The following CPPED1 variants were observed in gnomAD, a reference collection of about 807,000 sequenced individuals.
CPPED1 encodes the protein calcineurin like phosphoesterase domain containing 1.
Under a neutral mutation model 28.0 loss-of-function variants are expected in CPPED1, and 28 were observed. The ratio of observed to expected loss-of-function variants is 1.00; its 90% CI spans 0.74 to 1.37. CPPED1 has a LOEUF of 1.37. Among genes scored for constraint, CPPED1 ranks in the 40% most tolerant of loss-of-function variants. The pLI, the probability that CPPED1 is intolerant of heterozygous loss-of-function variation, is 0.00. For synonymous variants in CPPED1, 198 were observed against 180.2 expected, an observed-to-expected ratio of 1.10 and a Z score of -0.79; for missense variants, 504 against 416.5, an observed-to-expected ratio of 1.21 and a Z score of -1.83.
At chr16:12,718,053 A>G (rs554022299) in intron 2 of CPPED1, among the ~76,000 whole-genome samples, 43 of 152,312 alleles carry the variant, frequency 2.8e-4, no homozygotes, top group African/African-American at 8.9e-4. Flanking sequence ...GAAAGACTAC[A>G]CTGTCTCCTG....
chr16:12,790,678 T>C (rs544545891), intron 1 of CPPED1, among the ~76,000 whole-genome samples: 4 of 152,220 alleles, frequency 2.6e-5, no homozygotes, highest in East Asian at 1.9e-4. Context: ...CCTAGCACTT[T>C]GGGAGGCCGA....
intron 2 of CPPED1, among the ~76,000 whole-genome samples, chr16:12,735,435 G>A (rs1356103993): frequency 6.6e-6 from 1 of 152,232 alleles, no homozygotes; most frequent in Non-Finnish European, 1.5e-5. Context: ...CTCCTGAGTA[G>A]ATGGGATTAC....
intron 2 of CPPED1, among the ~76,000 whole-genome samples, chr16:12,737,927 A>G (rs1014307985): frequency 1.3e-5 from 2 of 152,198 alleles, no homozygotes; most frequent in African/African-American, 4.8e-5. Flanking sequence ...TTTTTAAAGT[A>G]TAAAAATTGC....
In CPPED1 at chr16:12,705,060, G is replaced by C. The variant is rs2080042643; in HGVS notation, c.290-11C>G. On this transcript the variant is annotated splice_polypyrimidine_tract_variant and intron_variant, in intron 2 of 3. Transcript: ENST00000381774. ...TCCGCCACGGCTTCCCTGGAAGAGTGAGGGTCACGTCCTGAGAAAGCCAGG... is the reference window on the plus strand; with the variant it reads ...TCCGCCACGGCTTCCCTGGAAGAGTCAGGGTCACGTCCTGAGAAAGCCAGG... 2 of 1,600,380 alleles carry C rather than the reference G, an allele frequency of 1.2e-6. No individual in the cohort carries two copies. The highest frequency in any genetic ancestry group is 1.7e-6 in the Non-Finnish European group (2 of 1,170,948).
intron 3 of CPPED1, among the ~76,000 whole-genome samples, chr16:12,669,673 T>C (rs954102986): frequency 3.9e-5 from 6 of 152,222 alleles, no homozygotes; most frequent in African/African-American, 1.4e-4. Context: ...ATTCGTTTCC[T>C]TGCTCTGTCA....
chr16:12,762,926 T>A (rs1037912561), intron 2 of CPPED1, among the ~76,000 whole-genome samples: 2 of 151,694 alleles, frequency 1.3e-5, no homozygotes, highest in African/African-American at 4.8e-5. Flanking sequence ...AAAAAAAAAT[T>A]TTTGTAGAAA....
At chr16:12,726,052 T>C (rs1044789507) in intron 2 of CPPED1, among the ~76,000 whole-genome samples, 7 of 152,118 alleles carry the variant, frequency 4.6e-5, no homozygotes, top group African/African-American at 1.7e-4. Flanking sequence ...AAATCATTTT[T>C]TTTTTATGAG....
At chr16:12,747,095 G>A (rs2080294247) in intron 2 of CPPED1, among the ~76,000 whole-genome samples, 1 of 151,668 alleles carries the variant, frequency 6.6e-6, no homozygotes, top group Non-Finnish European at 1.5e-5. Context: ...AGAAGAATGG[G>A]AAATAAATGG....
At position 12,684,193 on chromosome 16, in the gene CPPED1, G is replaced by A. The variant is rs149369285; in HGVS notation, c.716-19078C>T. Among the ~76,000 whole-genome samples the A allele has an allele frequency of 2.0e-3, 309 of 152,206 alleles. 1 individual carries two copies. The highest frequency in any genetic ancestry group is 6.8e-3 in the African/African-American group (284 of 41,536). ...AAGGAACGCAGAGAAAATGCATCCC[G>A]GTAAACTGAGCAGAGCCATCTTTCT... On this transcript the variant is annotated intron_variant, in intron 3 of 3. Coordinates refer to ENST00000381774, the MANE Select transcript of CPPED1 (RefSeq NM_018340.3).
chr16:12,782,554 T>TTG (rs2080538588), intron 1 of CPPED1, among the ~76,000 whole-genome samples: 1 of 151,014 alleles, frequency 6.6e-6, no homozygotes, highest in African/African-American at 2.4e-5. Flanking sequence ...CTGTTTTTTT[T>TTG]TTTTTTTTCA....
chr16:12,735,924 T>C (rs2141208140), intron 2 of CPPED1, among the ~76,000 whole-genome samples: 1 of 152,322 alleles, frequency 6.6e-6, no homozygotes, highest in East Asian at 1.9e-4. Context: ...ATATTTAAAC[T>C]GCCCCTAATG....
chr16:12,795,528 T>C (rs2080622327), intron 1 of CPPED1, among the ~76,000 whole-genome samples: 1 of 152,140 alleles, frequency 6.6e-6, no homozygotes, highest in Admixed American at 6.5e-5. Flanking sequence ...TTAGTACAGA[T>C]GGGGTTTCAC....
chr16:12,717,637 C>CA (rs2141195603), intron 2 of CPPED1, among the ~76,000 whole-genome samples: 1 of 152,092 alleles, frequency 6.6e-6, no homozygotes, highest in Non-Finnish European at 1.5e-5. Context: ...CACACACACA[C>CA]ATAATAATAA....
At chr16:12,681,866 C>G (rs140764792) in intron 3 of CPPED1, among the ~76,000 whole-genome samples, 1 of 152,296 alleles carries the variant, frequency 6.6e-6, no homozygotes, top group East Asian at 1.9e-4. Flanking sequence ...GATGTGCTCT[C>G]ACACTCCAGG....
intron 3 of CPPED1, among the ~76,000 whole-genome samples, chr16:12,677,936 T>C (rs1432948559): frequency 2.0e-5 from 3 of 152,194 alleles, no homozygotes; most frequent in East Asian, 1.9e-4. Context: ...CCGCCTTCCT[T>C]TGTAGCGTGA....
chr16:12,721,261 G>A (rs528744550), intron 2 of CPPED1, among the ~76,000 whole-genome samples: 1 of 152,120 alleles, frequency 6.6e-6, no homozygotes, highest in East Asian at 1.9e-4. Context: ...CCAAGCCCAA[G>A]ACATCAAGAT....
At chr16:12,803,358 T>A (rs1045074097) in intron 1 of CPPED1, among the ~76,000 whole-genome samples, 1 of 152,188 alleles carries the variant, frequency 6.6e-6, no homozygotes, top group African/African-American at 2.4e-5. Flanking sequence ...TTCACAGATG[T>A]GGAAGCTGAG....
intron 2 of CPPED1, among the ~76,000 whole-genome samples, chr16:12,712,288 G>A (rs1185646077): frequency 2.0e-5 from 3 of 152,132 alleles, no homozygotes; most frequent in African/African-American, 7.2e-5. Flanking sequence ...GGTTGGAAAC[G>A]GAATAGTCAA....
intron 3 of CPPED1, among the ~76,000 whole-genome samples, chr16:12,700,143 C>G (rs2141184225): frequency 6.6e-6 from 1 of 152,318 alleles, no homozygotes; most frequent in East Asian, 1.9e-4. Flanking sequence ...GCCACGGAAA[C>G]TGACAGGGAA....
Sources: gnomAD v4.1 joint callset for allele counts (sites outside exome capture counted in the v4.1 genomes callset) on GRCh38, gnomAD v4.1.1 for gene constraint, MANE v1.5 for transcripts, NCBI Gene and HGNC (gene_info 2026-07-23, HGNC 2026-07-21) for gene names.